LHFPL4: variants seen among roughly 807,000 people sequenced by gnomAD.
The protein encoded by LHFPL4 is LHFPL tetraspan subfamily member 4.
In LHFPL4, 6 loss-of-function variants were observed where a neutral mutation model predicts 20.0. That is an observed-to-expected ratio of 0.30 (90% CI 0.16 to 0.59). LHFPL4 has a LOEUF of 0.59. LHFPL4 is among the 20% of genes least tolerant of loss of function. The pLI is 0.88. For synonymous variants in LHFPL4, 129 were observed against 143.8 expected (o/e 0.90, Z 0.74); for missense variants, 215 against 331.2 (o/e 0.65, Z 2.72).
intron 2 of LHFPL4, among the ~76,000 whole-genome samples, chr3:9,525,772 A>C (rs1199182046): frequency 6.6e-6 from 1 of 152,158 alleles, no homozygotes; most frequent in Non-Finnish European, 1.5e-5. Flanking sequence ...CGTTTGAAAA[A>C]ATGGGAAAAA....
In LHFPL4 at chr3:9,506,395, G is replaced by A. The variant is rs966531010; in HGVS notation, c.407-192C>T. 2.6e-5 allele frequency among the ~76,000 whole-genome samples: 4 copies of A among 152,098 alleles called. No homozygotes were observed. Among genetic ancestry groups the A allele is most frequent in the African/African-American group, 9.7e-5 (4 of 41,412 alleles). On this transcript the variant is annotated intron_variant, in intron 2 of 3. Coordinates refer to ENST00000287585, the MANE Select transcript of LHFPL4 (RefSeq NM_198560.3). This position sits in a 1 kb window ranked among gnomAD's most constrained non-coding sequence, Gnocchi z 4.5. ...AAAAGAGAGAGAGAAAGAGGTCTAC[G>A]ATGGGTAGCAGAAACTTTCTGGAAC... is the stretch of plus-strand genomic sequence containing the variant.
In LHFPL4 at chr3:9,552,757, C is replaced by T; in HGVS notation, c.-78G>A. The T allele has an allele frequency of 1.1e-6, 1 of 909,892 alleles. No individual in the cohort carries two copies. Among genetic ancestry groups the T allele is most frequent in the Non-Finnish European group, 1.4e-6 (1 of 735,360 alleles). The allele number at this position is 909,892 out of a possible 1,614,324, so 56.4% of individuals were successfully genotyped here. On this transcript the variant is annotated 5_prime_UTR_variant, in exon 2 of 4. Transcript: ENST00000287585. The stretch of plus-strand genomic sequence containing the variant: ...CGGGACGGAGCGCCGGGCTGCCGGG[C>T]GGGAGCTGGGGACGCACGCGAGAAG...
rs554605382 is a variant in LHFPL4, at chr3:9,500,648, C to T, written c.*1563G>A. 2 of 152,410 alleles carry T rather than the reference C, an allele frequency of 1.3e-5. No individual in the cohort carries two copies. Among genetic ancestry groups the T allele is most frequent in the South Asian group, 2.1e-4 (1 of 4,826 alleles). 9.4% of individuals were successfully genotyped at this position (152,410 alleles called of 1,614,324 possible). The stretch of plus-strand genomic sequence containing the variant: ...GCGACCCTCTCCCCTCCGCCGAGGC[C>T]CGAGGCGGCTTCCCCTGGCATCCTG... On this transcript the variant is annotated 3_prime_UTR_variant, in exon 4 of 4. Coordinates refer to ENST00000287585, the MANE Select transcript of LHFPL4 (RefSeq NM_198560.3).
chr3:9,510,899 C>T (rs996360089), intron 2 of LHFPL4, among the ~76,000 whole-genome samples: 12 of 151,560 alleles, frequency 7.9e-5, no homozygotes, highest in Non-Finnish European at 1.5e-4. Context: ...GATTGCACCA[C>T]TGCACTCCAC....
intron 2 of LHFPL4, among the ~76,000 whole-genome samples, chr3:9,520,596 G>T (rs2633778): frequency 6.6e-6 from 1 of 151,950 alleles, no homozygotes; most frequent in South Asian, 2.1e-4. Flanking sequence ...CGCCTGCCTC[G>T]GCCACTCAAA....
intron 2 of LHFPL4, among the ~76,000 whole-genome samples, chr3:9,552,008 A>G (rs1282402278): frequency 6.6e-6 from 1 of 152,122 alleles, no homozygotes; most frequent in South Asian, 2.1e-4. Context: ...ACACTAACTT[A>G]ATGCTAACCG....
intron 2 of LHFPL4, among the ~76,000 whole-genome samples, chr3:9,514,697 G>A (rs567344975): frequency 2.3e-4 from 35 of 152,340 alleles, no homozygotes; most frequent in Admixed American, 1.8e-3. Flanking sequence ...CAACCACACT[G>A]ATTGTTTCAC....
At chr3:9,510,992 G>C (rs2046255787) in intron 2 of LHFPL4, among the ~76,000 whole-genome samples, 1 of 151,362 alleles carries the variant, frequency 6.6e-6, no homozygotes, top group African/African-American at 2.4e-5. Flanking sequence ...GCAGTGATGA[G>C]TGCTTAACTA....
At chr3:9,511,925 A>G (rs1444710238) in intron 2 of LHFPL4, among the ~76,000 whole-genome samples, 2 of 140,694 alleles carry the variant, frequency 1.4e-5, no homozygotes, top group African/African-American at 2.7e-5. Flanking sequence ...CATCCTTTAC[A>G]TGGCGACTGT....
At chr3:9,540,312 C>T (rs2125665877) in intron 2 of LHFPL4, among the ~76,000 whole-genome samples, 1 of 152,286 alleles carries the variant, frequency 6.6e-6, no homozygotes, top group Non-Finnish European at 1.5e-5. Context: ...AAGCAAGCCA[C>T]AGAACCAAAT....
In LHFPL4 at chr3:9,499,564, C is replaced by T. The variant is rs1388851555; in HGVS notation, c.*2647G>A. On this transcript the variant is annotated 3_prime_UTR_variant, in exon 4 of 4. Coordinates refer to ENST00000287585, the MANE Select transcript of LHFPL4 (RefSeq NM_198560.3). ...CCCCACCAGGGAACTAGCCTCCCTC[C>T]TCTCCACCCGGCGCTGACCCACTCC... The T allele has an allele frequency of 6.6e-6, 1 of 152,432 alleles. No individual in the cohort carries two copies. The highest frequency in any genetic ancestry group is 1.5e-5 in the Non-Finnish European group (1 of 68,210). 9.4% of individuals were successfully genotyped at this position (152,432 alleles called of 1,614,324 possible).
At chr3:9,505,806 G>A (rs1231689512) in intron 3 of LHFPL4, among the ~76,000 whole-genome samples, 161 bp downstream of exon 3, 2 of 152,136 alleles carry the variant, frequency 1.3e-5, no homozygotes, top group Admixed American at 6.5e-5. Flanking sequence ...CGATCTACCT[G>A]CCTTGGCTTC....
chr3:9,529,467 T>A (rs1388122235), intron 2 of LHFPL4, among the ~76,000 whole-genome samples: 1 of 152,196 alleles, frequency 6.6e-6, no homozygotes, highest in Non-Finnish European at 1.5e-5. Flanking sequence ...TCTTAAATAT[T>A]AAGACTTGAA....
chr3:9,534,750 A>C (rs557482099), intron 2 of LHFPL4, among the ~76,000 whole-genome samples: 2 of 152,208 alleles, frequency 1.3e-5, no homozygotes, highest in Non-Finnish European at 2.9e-5. Context: ...AAAGCAGCAA[A>C]GAAAGGCAAT....
chr3:9,530,688 C>T (rs1194477803), intron 2 of LHFPL4, among the ~76,000 whole-genome samples: 2 of 152,180 alleles, frequency 1.3e-5, no homozygotes, highest in African/African-American at 2.4e-5. Context: ...AGAGCCCTCA[C>T]TTTTGGCTTA....
At chr3:9,544,218 T>C (rs1021242670) in intron 2 of LHFPL4, among the ~76,000 whole-genome samples, 1 of 152,004 alleles carries the variant, frequency 6.6e-6, no homozygotes, top group Non-Finnish European at 1.5e-5. Flanking sequence ...CCTTTTTACC[T>C]TCCAAATTTT....
chr3:9,521,457 A>G (rs2046337137), intron 2 of LHFPL4, among the ~76,000 whole-genome samples: 3 of 150,912 alleles, frequency 2.0e-5, no homozygotes, highest in Admixed American at 6.6e-5. Flanking sequence ...GCTGGAGTGC[A>G]GTGGCACGAT....
intron 2 of LHFPL4, among the ~76,000 whole-genome samples, chr3:9,510,232 C>G (rs2046248790): frequency 6.6e-6 from 1 of 152,038 alleles, no homozygotes. Flanking sequence ...GGGAGGATCA[C>G]TTGAGGCCAG....
chr3:9,547,187 C>T (rs762818078), intron 2 of LHFPL4, among the ~76,000 whole-genome samples: 5 of 152,178 alleles, frequency 3.3e-5, no homozygotes, highest in Non-Finnish European at 7.4e-5. Context: ...TGGGGTCTCA[C>T]TATGTTGCCC....
Sources: allele counts gnomAD v4.1 joint callset (sites outside exome capture counted in the v4.1 genomes callset), GRCh38; gene constraint gnomAD v4.1.1; non-coding constraint Gnocchi (gnomAD v3.1); transcripts MANE v1.5; gene names NCBI Gene and HGNC (gene_info 2026-07-23, HGNC 2026-07-21).